Variants in BAZ1A observed in about 807,000 individuals in gnomAD.
BAZ1A encodes bromodomain adjacent to zinc finger domain protein 1A.
BAZ1A carries 50 observed loss-of-function variants against 185.2 expected under a neutral mutation model. The ratio of observed to expected loss-of-function variants is 0.27; its 90% CI spans 0.22 to 0.34. BAZ1A has a LOEUF of 0.34. Ranked by LOEUF, BAZ1A falls within the 10% of genes least tolerant of loss-of-function variation. The pLI is 1.00. For missense variants in BAZ1A, 1,356 were observed against 1,839.9 expected (o/e 0.74, Z 4.81); for synonymous variants, 571 against 615.6 (o/e 0.93, Z 1.07).
intron 12 of BAZ1A, 97 bp from the exon 13 acceptor site, chr14:34,786,318 T>A: frequency 9.0e-7 from 1 of 1,107,060 alleles, no homozygotes; most frequent in Non-Finnish European, 1.3e-6. Flanking sequence ...GCAAACGCCT[T>A]AACATTCGGA....
intron 2 of BAZ1A, among the ~76,000 whole-genome samples, chr14:34,868,943 A>C (rs2042908268): frequency 6.6e-6 from 1 of 150,856 alleles, no homozygotes; most frequent in African/African-American, 2.4e-5. Context: ...ACATGTATAT[A>C]TATACATAAT....
chr14:34,789,844 G>A (rs1880726159), intron 12 of BAZ1A, among the ~76,000 whole-genome samples: 1 of 152,100 alleles, frequency 6.6e-6, no homozygotes, highest in Non-Finnish European at 1.5e-5. Context: ...CTTCTTTACC[G>A]TATTATGAAA....
intron 4 of BAZ1A, among the ~76,000 whole-genome samples, chr14:34,813,806 G>A (rs902022693): frequency 6.6e-6 from 1 of 152,114 alleles, no homozygotes; most frequent in Non-Finnish European, 1.5e-5. Flanking sequence ...TTGGGAGGCT[G>A]AGGCAGGCAG....
intron 4 of BAZ1A, chr14:34,816,607 A>G (rs1041990152): frequency 2.8e-5 from 5 of 180,140 alleles, no homozygotes; most frequent in South Asian, 9.3e-5. Context: ...TTAAATCACA[A>G]TAACAGATTA....
chr14:34,814,695 A>G (rs2041980208), intron 4 of BAZ1A, among the ~76,000 whole-genome samples: 1 of 151,516 alleles, frequency 6.6e-6, no homozygotes, highest in South Asian at 2.1e-4. Context: ...GGGCTGGTTT[A>G]GAACTCCAGG....
intron 5 of BAZ1A, among the ~76,000 whole-genome samples, chr14:34,810,035 C>T (rs2041908236): frequency 6.6e-6 from 1 of 152,140 alleles, no homozygotes; most frequent in African/African-American, 2.4e-5. Flanking sequence ...ACAAACCACA[C>T]ACACCTCAAT....
intron 12 of BAZ1A, 66 bp downstream of exon 12, chr14:34,792,709 G>A: frequency 6.5e-7 from 1 of 1,549,682 alleles, no homozygotes; most frequent in Non-Finnish European, 8.8e-7. Context: ...CTTAAAATTG[G>A]CCCTCAAAAA....
In BAZ1A at chr14:34,874,639, G is replaced by A; in HGVS notation, c.-35C>T. 1 of 1,530,690 alleles carries A rather than the reference G, an allele frequency of 6.5e-7. No individual in the cohort carries two copies. Among genetic ancestry groups the A allele is most frequent in the South Asian group, 1.1e-5 (1 of 87,538 alleles). The allele number at this position is 1,530,690 out of a possible 1,614,324, so 94.8% of individuals were successfully genotyped here. On this transcript the variant is annotated 5_prime_UTR_variant, in exon 2 of 27. Transcript: ENST00000360310. The surrounding 1 kb of genome is among the most constrained non-coding windows in gnomAD (Gnocchi z 4.7). ...GCCCGCGGGCTCGCCTGGACCCTCG[G>A]CCGCCCGCGCCGGCCCCGCTTCCCT...
intron 2 of BAZ1A, among the ~76,000 whole-genome samples, chr14:34,868,101 G>A (rs543212810): frequency 1.3e-5 from 2 of 152,278 alleles, no homozygotes; most frequent in East Asian, 3.9e-4. Context: ...CACTAAAGGT[G>A]GGCATCCTAC....
rs766354165 is a variant in BAZ1A, at chr14:34,766,084, G to T, written c.3302-816C>A. 4.6e-4 allele frequency among the ~76,000 whole-genome samples: 70 copies of T among 152,138 alleles called. 1 individual carries two copies. The highest frequency in any genetic ancestry group is 2.1e-4 in the Non-Finnish European group (14 of 68,022). ...AGGCTTTGGAGACAGTCTGCTCTGA[G>T]GTGAGTACTGGCTCCCCCATATGAA... On this transcript the variant is annotated intron_variant, in intron 21 of 26. Coordinates refer to ENST00000360310, the MANE Select transcript of BAZ1A (RefSeq NM_013448.3).
chr14:34,864,032 AGGATGGTCTCAACTTCCT>A (rs1351268879), intron 2 of BAZ1A, among the ~76,000 whole-genome samples: 1 of 152,058 alleles, frequency 6.6e-6, no homozygotes, highest in Non-Finnish European at 1.5e-5. Flanking sequence ...TATGTTGCCC[AGGATGGTCTCAACTTCCT>A]GGGCTCAAGC....
chr14:34,795,819 A>G, intron 9 of BAZ1A, 54 bp from the exon 10 acceptor site: 2 of 1,336,796 alleles, frequency 1.5e-6, no homozygotes, highest in South Asian at 2.4e-5. Flanking sequence ...ATATGGCAGC[A>G]TCGGCATCTC....
At chr14:34,868,705 G>A (rs528587300) in intron 2 of BAZ1A, among the ~76,000 whole-genome samples, 1 of 152,074 alleles carries the variant, frequency 6.6e-6, no homozygotes, top group East Asian at 1.9e-4. Flanking sequence ...GGACGCTGAG[G>A]TGGGAGAATC....
At chr14:34,762,301 A>T in intron 23 of BAZ1A, 78 bp from the exon 24 acceptor site, 1 of 1,351,032 alleles carries the variant, frequency 7.4e-7, no homozygotes, top group Non-Finnish European at 1.0e-6. Context: ...TCCTTGTTGT[A>T]TTTAGCCAAT....
chr14:34,828,205 A>C (rs749930535), intron 3 of BAZ1A, among the ~76,000 whole-genome samples: 1 of 146,928 alleles, frequency 6.8e-6, no homozygotes, highest in Non-Finnish European at 1.5e-5. Context: ...AGGAAGGAGA[A>C]TGGCTTGAAC....
chr14:34,819,387 A>T (rs1191711151), intron 4 of BAZ1A, among the ~76,000 whole-genome samples: 3 of 152,064 alleles, frequency 2.0e-5, no homozygotes, highest in Admixed American at 6.6e-5. Context: ...ACCCCTGGCA[A>T]CCACTTATCC....
chr14:34,854,877 C>T (rs944097557), intron 3 of BAZ1A, among the ~76,000 whole-genome samples: 4 of 152,096 alleles, frequency 2.6e-5, no homozygotes, highest in African/African-American at 9.7e-5. Flanking sequence ...GTCAGGAGTT[C>T]GAGACTAGCC....
chr14:34,757,877 G>C (rs1886331245), intron 25 of BAZ1A, among the ~76,000 whole-genome samples: 1 of 150,456 alleles, frequency 6.6e-6, no homozygotes, highest in Non-Finnish European at 1.5e-5. Flanking sequence ...CTCCCAAGTA[G>C]CGGGGACTAC....
intron 3 of BAZ1A, among the ~76,000 whole-genome samples, chr14:34,842,093 C>T (rs560130971): frequency 1.3e-5 from 2 of 152,220 alleles, no homozygotes; most frequent in Admixed American, 1.3e-4. Context: ...TTATTCATAA[C>T]CCTTTTCCCA....
Sources: allele counts gnomAD v4.1 joint callset (sites outside exome capture counted in the v4.1 genomes callset), GRCh38; gene constraint gnomAD v4.1.1; non-coding constraint Gnocchi (gnomAD v3.1); transcripts MANE v1.5; gene names NCBI Gene and HGNC (gene_info 2026-07-23, HGNC 2026-07-21).